RAMP3: variants seen among roughly 807,000 people sequenced by gnomAD.
The protein encoded by RAMP3 is receptor activity-modifying protein 3.
In RAMP3, 14 loss-of-function variants were observed where a neutral mutation model predicts 13.5. The ratio of observed to expected loss-of-function variants is 1.04; its 90% CI spans 0.69 to 1.63. The LOEUF is 1.63. Among genes scored for constraint, RAMP3 ranks in the 40% most tolerant of loss-of-function variants. The probability of loss-of-function intolerance (pLI) is 0.00; values close to 1 mark genes in which losing one functional copy is unlikely to be tolerated. For missense variants in RAMP3, 200 were observed against 204.8 expected (o/e 0.98, Z 0.14); for synonymous variants, 106 against 88.3 (o/e 1.20, Z -1.12).
intron 1 of RAMP3, among the ~76,000 whole-genome samples, chr7:45,174,309 C>A (rs756821090): frequency 2.6e-5 from 4 of 152,098 alleles, no homozygotes; most frequent in Admixed American, 6.5e-5. Flanking sequence ...GCCTAAGGGC[C>A]AGGGAAAGTA....
intron 2 of RAMP3, among the ~76,000 whole-genome samples, chr7:45,181,955 A>G (rs1786324095): frequency 6.6e-6 from 1 of 152,138 alleles, no homozygotes; most frequent in Admixed American, 6.5e-5. Context: ...AGCTGGGCTG[A>G]GTGACTGTAC....
At chr7:45,172,467 C>A (rs2128657145) in intron 1 of RAMP3, among the ~76,000 whole-genome samples, 1 of 152,238 alleles carries the variant, frequency 6.6e-6, no homozygotes, top group African/African-American at 2.4e-5. Flanking sequence ...AGTCTGTACC[C>A]CCTTGTTGAG....
At chr7:45,166,684 T>C (rs114467202) in intron 1 of RAMP3, among the ~76,000 whole-genome samples, 1,904 of 152,284 alleles carry the variant, frequency 0.013, 34 homozygotes, top group African/African-American at 0.043. Context: ...TTATCTATTT[T>C]TCTTTTGTTT....
At chr7:45,176,054 A>G (rs1011313117) in intron 1 of RAMP3, among the ~76,000 whole-genome samples, 1 of 152,176 alleles carries the variant, frequency 6.6e-6, no homozygotes, top group African/African-American at 2.4e-5. Context: ...TCATTCAGCC[A>G]AGACTTATTG....
Position 45,157,817 on chromosome 7 carries a change from G to A in RAMP3, c.-12G>A. 1 of 1,440,692 alleles carries A rather than the reference G, an allele frequency of 6.9e-7. No individual in the cohort carries two copies. The highest frequency in any genetic ancestry group is 1.4e-5 in the South Asian group (1 of 70,346). The allele number at this position is 1,440,692 out of a possible 1,614,324, so 89.2% of individuals were successfully genotyped here. A position where few individuals can be genotyped will look rare whatever the true frequency, so the allele number is the denominator to read the frequency against. On this transcript the variant is annotated 5_prime_UTR_variant, in exon 1 of 3. Transcript: ENST00000242249. ...GCGGGACCGAGCGTGACCCAGCTGC[G>A]GCCGGCCAGCCATGGAGACTGGAGC...
intron 1 of RAMP3, 66 bp from the exon 2 acceptor site, chr7:45,177,243 G>A (rs1306146079): frequency 3.1e-6 from 5 of 1,601,600 alleles, no homozygotes; most frequent in East Asian, 2.2e-5. Flanking sequence ...GGCCCCTTGG[G>A]CCTCCCCTGT....
In RAMP3 at chr7:45,161,423, CCTGAGCTGTGTTT is replaced by C. The variant is rs563583321; in HGVS notation, c.58+3539_58+3551del. On this transcript the variant is annotated intron_variant, in intron 1 of 2. Coordinates refer to ENST00000242249, the MANE Select transcript of RAMP3 (RefSeq NM_005856.3). ...AATGAATACTTATCAGGACCTTGTC[CCTGAGCTGTGTTT>C]CAGAGCATCATAGTTAATGTGAAAA... Among the ~76,000 whole-genome samples, 263 of 152,102 alleles carry C rather than the reference CCTGAGCTGTGTTT, an allele frequency of 1.7e-3. 1 individual carries two copies. The highest frequency in any genetic ancestry group is 6.0e-3 in the African/African-American group (251 of 41,488).
intron 1 of RAMP3, among the ~76,000 whole-genome samples, chr7:45,177,074 C>G (rs11981187): frequency 6.6e-6 from 1 of 152,134 alleles, no homozygotes; most frequent in Non-Finnish European, 1.5e-5. Context: ...GCCTGTGAGG[C>G]GGTGAAGTGA....
In RAMP3 at chr7:45,166,901, G is replaced by A. The variant is rs1022984899; in HGVS notation, c.58+9015G>A. On this transcript the variant is annotated intron_variant, in intron 1 of 2. Transcript: ENST00000242249. ...AGCTATTCTTGTGCCTCAGCCTCCC[G>A]AATAGCTGGGTAATCTAAGAGTTTT... Among the ~76,000 whole-genome samples, 3 of 148,422 alleles carry A rather than the reference G, an allele frequency of 2.0e-5. No individual in the cohort carries two copies. The Admixed American group carries it at 2.0e-4, about 10-fold the overall frequency.
chr7:45,180,222 C>T (rs909751922), intron 2 of RAMP3, among the ~76,000 whole-genome samples: 4 of 152,208 alleles, frequency 2.6e-5, no homozygotes, highest in African/African-American at 9.6e-5. Context: ...GGTGCCCCAG[C>T]GTGGCAGTAC....
In RAMP3 at chr7:45,183,262, GTTC is replaced by G. The variant is rs1786355822; in HGVS notation, c.302_304del (p.Phe101del). On this transcript the variant is annotated inframe_deletion, in exon 3 of 3. Coordinates refer to ENST00000242249, the MANE Select transcript of RAMP3 (RefSeq NM_005856.3). ...GCTTCATCACCGGCATCCACAGGCA[GTTC>G]TTCTCCAACTGCACCGTGGACAGGG... 2 of 1,614,050 alleles carry G rather than the reference GTTC, an allele frequency of 1.2e-6. No individual in the cohort carries two copies. The highest frequency in any genetic ancestry group is 1.7e-6 in the Non-Finnish European group (2 of 1,180,040).
intron 1 of RAMP3, among the ~76,000 whole-genome samples, chr7:45,160,164 C>G (rs371734592): frequency 1.6e-4 from 24 of 151,594 alleles, no homozygotes; most frequent in African/African-American, 5.6e-4. Context: ...AACTCCGTCT[C>G]TACTAAAAAT....
rs1786379810 is a variant in RAMP3 at position 45,184,121 on chromosome 7, G to A, written c.*709G>A. The A allele has an allele frequency of 2.5e-6, 1 of 399,130 alleles. No individual in the cohort carries two copies. Among genetic ancestry groups the A allele is most frequent in the African/African-American group, 2.1e-5 (1 of 48,640 alleles). The allele number at this position is 399,130 out of a possible 1,614,324, so 24.7% of individuals were successfully genotyped here. On this transcript the variant is annotated 3_prime_UTR_variant, in exon 3 of 3. Coordinates refer to ENST00000242249, the MANE Select transcript of RAMP3 (RefSeq NM_005856.3). ...TCACCGGGACTTGCTGTGCGGATGG[G>A]GCCTGGGCCTCCTTCCTACAGGGGC...
At chr7:45,165,394 C>T (rs1019636813) in intron 1 of RAMP3, among the ~76,000 whole-genome samples, 1 of 151,416 alleles carries the variant, frequency 6.6e-6, no homozygotes, top group Non-Finnish European at 1.5e-5. Context: ...TTCTGATCTC[C>T]TCCATTCCTT....
chr7:45,159,740 C>T (rs1785828361), intron 1 of RAMP3, among the ~76,000 whole-genome samples: 1 of 152,196 alleles, frequency 6.6e-6, no homozygotes, highest in African/African-American at 2.4e-5. Context: ...AGTTTAGTCC[C>T]TATCACCTTG....
intron 2 of RAMP3, among the ~76,000 whole-genome samples, chr7:45,181,273 A>G (rs538262805): frequency 8.1e-4 from 124 of 152,338 alleles, no homozygotes; most frequent in African/African-American, 2.6e-3. Context: ...GCCACTGTCC[A>G]TGCTGTCTTC....
At chr7:45,176,169 C>T (rs1025012209) in intron 1 of RAMP3, among the ~76,000 whole-genome samples, 4 of 152,056 alleles carry the variant, frequency 2.6e-5, no homozygotes, top group Non-Finnish European at 5.9e-5. Flanking sequence ...CCTCATCTTG[C>T]GGATGGGGAA....
rs556730836 is a variant in RAMP3, at chr7:45,172,578, C to T, written c.59-4731C>T. ...GCAACCTCTGCCTCTTTGGTTCAAGCGATTCTCATACCTCAGCTTCCCGAG... is the reference window on the plus strand; with the variant it reads ...GCAACCTCTGCCTCTTTGGTTCAAGTGATTCTCATACCTCAGCTTCCCGAG... On this transcript the variant is annotated intron_variant, in intron 1 of 2. Transcript: ENST00000242249. Among the ~76,000 whole-genome samples the T allele has an allele frequency of 8.5e-5, 13 of 152,288 alleles. No individual in the cohort carries two copies. In the East Asian group the frequency reaches 2.1e-3, roughly 25 times the overall value.
intron 2 of RAMP3, 73 bp from the exon 3 acceptor site, chr7:45,183,084 T>G: frequency 6.3e-7 from 1 of 1,576,728 alleles, no homozygotes; most frequent in Non-Finnish European, 8.6e-7. Flanking sequence ...CCACCCATCT[T>G]CCTGGCCTCA....
Sources: allele counts gnomAD v4.1 joint callset (sites outside exome capture counted in the v4.1 genomes callset), GRCh38; gene constraint gnomAD v4.1.1; transcripts MANE v1.5; gene names NCBI Gene and HGNC (gene_info 2026-07-23, HGNC 2026-07-21).